ZMYM4: variants seen among roughly 807,000 people sequenced by gnomAD.
ZMYM4 encodes zinc finger MYM-type protein 4.
Under a neutral mutation model 183.2 loss-of-function variants are expected in ZMYM4, and 31 were observed. That is an observed-to-expected ratio of 0.17 (90% CI 0.13 to 0.23). The LOEUF (loss-of-function observed/expected upper bound fraction) is 0.23, where lower values mean the gene tolerates loss of function less well. Ranked by LOEUF, ZMYM4 falls within the 10% of genes least tolerant of loss-of-function variation. The pLI is 1.00. For missense variants in ZMYM4, 1,273 were observed against 1,840.3 expected, an observed-to-expected ratio of 0.69 and a Z score of 5.64; for synonymous variants, 592 against 631.2, an observed-to-expected ratio of 0.94 and a Z score of 0.93.
intron 26 of ZMYM4, among the ~76,000 whole-genome samples, chr1:35,413,486 T>A (rs537277903): frequency 3.1e-4 from 47 of 152,340 alleles, no homozygotes; most frequent in African/African-American, 1.1e-3. Context: ...GTTAGAAGGC[T>A]CCAAATAAAT....
intron 13 of ZMYM4, among the ~76,000 whole-genome samples, chr1:35,388,542 A>G (rs554265959): frequency 1.6e-4 from 25 of 151,982 alleles, no homozygotes; most frequent in African/African-American, 6.0e-4. Flanking sequence ...GCAGTTTAAT[A>G]TTTTCTCTTC....
At chr1:35,295,537 A>G (rs1640963952) in intron 1 of ZMYM4, among the ~76,000 whole-genome samples, 1 of 152,194 alleles carries the variant, frequency 6.6e-6, no homozygotes, top group Non-Finnish European at 1.5e-5. Context: ...ACGTTTCAGC[A>G]TCCCTGGTTT....
rs143121762 is a variant in ZMYM4, at chr1:35,418,143, G to C, written c.4310-300G>C. Among the ~76,000 whole-genome samples the C allele has an allele frequency of 4.1e-3, 632 of 152,296 alleles. 1 individual carries two copies. Among genetic ancestry groups the C allele is most frequent in the Non-Finnish European group, 6.8e-3 (462 of 68,038 alleles). On this transcript the variant is annotated intron_variant, in intron 28 of 29. Transcript: ENST00000314607. The stretch of plus-strand genomic sequence containing the variant: ...TAATGAAGTTTATTAATAAAGTCAG[G>C]CTCAGAATAGAGACGTTTTCCAGTG...
intron 7 of ZMYM4, among the ~76,000 whole-genome samples, chr1:35,375,775 GT>G (rs1413229053): frequency 2.0e-5 from 3 of 152,072 alleles, no homozygotes; most frequent in Non-Finnish European, 2.9e-5. Flanking sequence ...CTAATAATTT[GT>G]TTTAAAAAAT....
chr1:35,269,117 G>C (rs780362587), intron 1 of ZMYM4, 32 bp downstream of exon 1: 12 of 1,544,898 alleles, frequency 7.8e-6, no homozygotes, highest in Middle Eastern at 2.0e-4. Flanking sequence ...TCGGGCGGCG[G>C]GGGGCGGGGC....
At chr1:35,381,948 C>T (rs1644467084) in intron 9 of ZMYM4, among the ~76,000 whole-genome samples, 190 bp downstream of exon 9, 2 of 151,786 alleles carry the variant, frequency 1.3e-5, no homozygotes, top group African/African-American at 2.4e-5. Context: ...AATTCGAGAC[C>T]AGCCTGACCA....
In ZMYM4 at chr1:35,332,399, G is replaced by C. The variant is rs550203033; in HGVS notation, c.85+6994G>C. Among the ~76,000 whole-genome samples the C allele has an allele frequency of 2.6e-5, 4 of 151,644 alleles. No homozygotes were observed. In the East Asian group the frequency reaches 7.7e-4, roughly 29 times the overall value. ...CCGGTGTTCAGAAAGGGTATACTGG[G>C]GATGTTTTTTTTTTTTTTTTTTCTC... On this transcript the variant is annotated intron_variant, in intron 2 of 29. Transcript: ENST00000314607.
intron 9 of ZMYM4, among the ~76,000 whole-genome samples, chr1:35,383,676 C>G (rs1177583492): frequency 6.6e-6 from 1 of 152,058 alleles, no homozygotes; most frequent in Non-Finnish European, 1.5e-5. Context: ...GAGTGATAGT[C>G]CACAAGAGAG....
chr1:35,415,495 C>T lies in ZMYM4; in HGVS notation c.4090C>T (p.His1364Tyr), dbSNP rs1339644653. The T allele has an allele frequency of 6.2e-7, 1 of 1,614,214 alleles. No individual in the cohort carries two copies. The highest frequency in any genetic ancestry group is 8.5e-7 in the Non-Finnish European group (1 of 1,180,030). ...GYMFSRIEEE[H>Y]LWECKQLGAY... ...CATGTTCTCTCGCATTGAGGAAGAG[C>T]ATTTGTGGGAGTGCAAACAGCTGGG... Residue 1364 changes from histidine (H) to tyrosine (Y), a missense_variant, in exon 28 of 30, where the codon CAT becomes TAT. This residue lies in a region of ZMYM4 where 145 missense variants were observed against 331.6 expected (regional missense o/e 0.44). Transcript: ENST00000314607.
At chr1:35,347,966 TTGACAGTTTTTAGGTAATTG>T (rs1378834875) in intron 2 of ZMYM4, among the ~76,000 whole-genome samples, 1 of 152,228 alleles carries the variant, frequency 6.6e-6, no homozygotes, top group African/African-American at 2.4e-5. Flanking sequence ...TAATAGACTT[TTGACAGTTTTTAGGTAATTG>T]CTGAATGTTT....
chr1:35,362,068 T>C (rs1209694675), intron 5 of ZMYM4, among the ~76,000 whole-genome samples: 1 of 152,214 alleles, frequency 6.6e-6, no homozygotes, highest in African/African-American at 2.4e-5. Context: ...ATACAGCAGA[T>C]ATGGTTGAAG....
chr1:35,274,134 T>C (rs1407896923), intron 1 of ZMYM4, among the ~76,000 whole-genome samples: 2 of 151,746 alleles, frequency 1.3e-5, no homozygotes, highest in Admixed American at 1.3e-4. Flanking sequence ...CTTAAAAACA[T>C]GGCGGTACAT....
chr1:35,359,330 A>G lies in ZMYM4; in HGVS notation c.491A>G (p.Glu164Gly). The change falls in exon 3 of 30, where the codon GAG becomes GGG. Residue 164 changes from glutamate to glycine, a missense_variant. Glu to Gly is a moderately conservative substitution (Grantham distance 98). This residue lies in a region of ZMYM4 where 384 missense variants were observed against 465.6 expected (regional missense o/e 0.82). Coordinates refer to ENST00000314607, the MANE Select transcript of ZMYM4 (RefSeq NM_005095.3). ...DFSLVRENSK[E>G]TFSGKEKNRD... The stretch of plus-strand genomic sequence containing the variant: ...AGTCTAGTAAGAGAAAACAGCAAAG[A>G]GACATTTTCTGGAAAGGAGAAAAAT... 6.2e-7 allele frequency: 1 copy of G among 1,611,314 alleles called. No homozygotes were observed. The highest frequency in any genetic ancestry group is 8.5e-7 in the Non-Finnish European group (1 of 1,179,154).
chr1:35,384,169 G>A (rs1644524097), intron 9 of ZMYM4, among the ~76,000 whole-genome samples: 1 of 152,154 alleles, frequency 6.6e-6, no homozygotes, highest in Non-Finnish European at 1.5e-5. Context: ...GGGCCACAGA[G>A]GTAGCATAGT....
chr1:35,410,092 G>A (rs551753173), intron 26 of ZMYM4, among the ~76,000 whole-genome samples: 708 of 152,180 alleles, frequency 4.7e-3, no homozygotes, highest in Middle Eastern at 0.01. Context: ...GGGAGCAGGC[G>A]TCTCATGGCA....
intron 2 of ZMYM4, among the ~76,000 whole-genome samples, chr1:35,333,407 C>T (rs1642840898): frequency 6.6e-6 from 1 of 151,950 alleles, no homozygotes; most frequent in Admixed American, 6.6e-5. Flanking sequence ...ACAGGTGCGC[C>T]ACCACACCCG....
At chr1:35,307,551 T>A (rs1031571424) in intron 1 of ZMYM4, among the ~76,000 whole-genome samples, 5 of 149,452 alleles carry the variant, frequency 3.3e-5, no homozygotes, top group Non-Finnish European at 5.9e-5. Context: ...TATTTTTTTT[T>A]TGAGACAGAG....
chr1:35,290,570 G>C (rs574045), intron 1 of ZMYM4, among the ~76,000 whole-genome samples: 38,585 of 151,948 alleles, frequency 0.25, 10,269 homozygotes, highest in East Asian at 0.77. Context: ...GCTAGGACTA[G>C]AGGTGCATGC....
Position 35,369,505 on chromosome 1 carries a change from A to C in ZMYM4, c.841-524A>C, listed in dbSNP as rs187837591. Among the ~76,000 whole-genome samples the C allele has an allele frequency of 1.9e-3, 289 of 152,256 alleles. 1 individual carries two copies. Among genetic ancestry groups the C allele is most frequent in the Non-Finnish European group, 3.5e-3 (241 of 67,984 alleles). ...ATATATACTAATATACAAACGTTCA[A>C]ATGATTCAAATGAGCAAAAAATCAG... On this transcript the variant is annotated intron_variant, in intron 5 of 29. Coordinates refer to ENST00000314607, the MANE Select transcript of ZMYM4 (RefSeq NM_005095.3).
Sources: allele counts gnomAD v4.1 joint callset (sites outside exome capture counted in the v4.1 genomes callset), GRCh38; gene constraint gnomAD v4.1.1; regional missense constraint gnomAD v4.1.1; transcripts MANE v1.5; gene names NCBI Gene and HGNC (gene_info 2026-07-23, HGNC 2026-07-21).